Variants in RGS6 observed in about 807,000 individuals in gnomAD.
RGS6 encodes the protein regulator of G-protein signaling 6.
In RGS6, 30 loss-of-function variants were observed where a neutral mutation model predicts 78.5. The observed-to-expected ratio is 0.38, with a 90% CI of 0.29 to 0.52. The LOEUF (loss-of-function observed/expected upper bound fraction) is 0.52, where lower values mean the gene tolerates loss of function less well. RGS6 is among the 20% of genes least tolerant of loss of function. RGS6 has a pLI of 0.85. For missense variants in RGS6, 495 were observed against 609.7 expected (o/e 0.81, Z 1.98); for synonymous variants, 206 against 206.0 (o/e 1.00, Z 0.00).
chr14:72,112,832 G>A (rs1345305226), intron 2 of RGS6, among the ~76,000 whole-genome samples: 1 of 152,204 alleles, frequency 6.6e-6, no homozygotes, highest in Non-Finnish European at 1.5e-5. Context: ...CAATGTATGG[G>A]TGCCTTGCTT....
At chr14:72,612,454 T>A in the RGS6 span, 6 of 518,582 alleles carry the variant, frequency 1.2e-5, no homozygotes, top group South Asian at 8.4e-5. Flanking sequence ...AGTACCTAAT[T>A]TAGGCTTCTT....
At chr14:72,457,148 C>T (rs896762326) in intron 4 of RGS6, among the ~76,000 whole-genome samples, 4 of 148,534 alleles carry the variant, frequency 2.7e-5, no homozygotes, top group Admixed American at 2.7e-4. Flanking sequence ...AAATAAAACT[C>T]TATTCATTCC....
chr14:72,375,264 C>T (rs1219547640), intron 3 of RGS6, among the ~76,000 whole-genome samples: 1 of 152,114 alleles, frequency 6.6e-6, no homozygotes, highest in South Asian at 2.1e-4. Context: ...GGATTAAAAG[C>T]ATCGGGTTCC....
At chr14:72,491,540 G>C (rs1436394237) in intron 12 of RGS6, among the ~76,000 whole-genome samples, 1 of 152,124 alleles carries the variant, frequency 6.6e-6, no homozygotes, top group African/African-American at 2.4e-5. Context: ...ATTTGTCCAA[G>C]ATACAAAGTT....
rs1411374560 is a variant in RGS6 at position 72,546,632 on chromosome 14, G to A, written c.1422+6538G>A. Among the ~76,000 whole-genome samples, 7 of 152,196 alleles carry A rather than the reference G, an allele frequency of 4.6e-5. No homozygotes were observed. The East Asian group carries it at 1.2e-3, about 25-fold the overall frequency. On this transcript the variant is annotated intron_variant, in intron 17 of 17. Coordinates refer to ENST00000553525, the MANE Select transcript of RGS6 (RefSeq NM_001204424.2). ...GGACATGTGGGGCAATCAGGGCCCGGTGGAGGCAGCTGCTCCTGGCTTTCC... is the reference window on the plus strand; with the variant it reads ...GGACATGTGGGGCAATCAGGGCCCGATGGAGGCAGCTGCTCCTGGCTTTCC...
At chr14:72,233,531 C>T (rs1016566498) in intron 2 of RGS6, among the ~76,000 whole-genome samples, 3 of 152,196 alleles carry the variant, frequency 2.0e-5, no homozygotes, top group Admixed American at 2.0e-4. Context: ...ACAGCCTCTG[C>T]ATATGAAATG....
chr14:72,433,411 T>C (rs1426529234), intron 3 of RGS6, among the ~76,000 whole-genome samples: 1 of 151,874 alleles, frequency 6.6e-6, no homozygotes, highest in African/African-American at 2.4e-5. Context: ...GGTGATGGGT[T>C]GATAGGTGCA....
chr14:71,897,184 T>G, the RGS6 span, among the ~76,000 whole-genome samples: 2 of 152,240 alleles, frequency 1.3e-5, no homozygotes, highest in Admixed American at 1.3e-4. Flanking sequence ...AATTGTTTAT[T>G]GAATCAATGA....
intron 2 of RGS6, among the ~76,000 whole-genome samples, chr14:72,305,652 G>C (rs1027829171): frequency 6.6e-6 from 1 of 152,136 alleles, no homozygotes; most frequent in Non-Finnish European, 1.5e-5. Context: ...TATGTGTACT[G>C]ACTGTTCCAC....
the RGS6 span, among the ~76,000 whole-genome samples, chr14:72,590,143 C>A: frequency 1.0e-2 from 1,518 of 152,272 alleles, 31 homozygotes; most frequent in African/African-American, 0.035. Flanking sequence ...CAATACCAAG[C>A]GTTGCAAAGA....
intron 2 of RGS6, among the ~76,000 whole-genome samples, chr14:72,311,480 C>G (rs2068594108): frequency 6.6e-6 from 1 of 151,442 alleles, no homozygotes; most frequent in Admixed American, 6.6e-5. Context: ...GTTAAGTGAG[C>G]CTTTTGTAAA....
chr14:72,609,376 G>C, the RGS6 span, among the ~76,000 whole-genome samples: 3 of 152,184 alleles, frequency 2.0e-5, no homozygotes, highest in Admixed American at 1.3e-4. Context: ...TCCCGGGTCA[G>C]GAGTCCACAT....
At chr14:72,099,334 T>C (rs1216069665) in intron 2 of RGS6, among the ~76,000 whole-genome samples, 1 of 152,084 alleles carries the variant, frequency 6.6e-6, no homozygotes, top group Non-Finnish European at 1.5e-5. Context: ...TAATTTTTTA[T>C]ATTTTTAGTA....
the RGS6 span, among the ~76,000 whole-genome samples, chr14:72,626,009 ACACAGT>A: frequency 6.6e-6 from 1 of 152,188 alleles, no homozygotes; most frequent in Non-Finnish European, 1.5e-5. Flanking sequence ...GCTTTACAAC[ACACAGT>A]CAAAATACTG....
chr14:72,124,159 A>G (rs1241266286), intron 2 of RGS6, among the ~76,000 whole-genome samples: 1 of 152,212 alleles, frequency 6.6e-6, no homozygotes, highest in African/African-American at 2.4e-5. Context: ...TAATAATAAT[A>G]ACAGCCATTT....
intron 2 of RGS6, among the ~76,000 whole-genome samples, chr14:72,154,509 G>T (rs952955692): frequency 6.6e-6 from 1 of 152,018 alleles, no homozygotes; most frequent in East Asian, 1.9e-4. Flanking sequence ...CCTCTGTTTG[G>T]GGGGGGTCCC....
chr14:72,590,032 A>C, the RGS6 span, among the ~76,000 whole-genome samples: 1 of 151,698 alleles, frequency 6.6e-6, no homozygotes, highest in African/African-American at 2.4e-5. Flanking sequence ...CCAGTAACAC[A>C]TGAAAAGATG....
intron 2 of RGS6, among the ~76,000 whole-genome samples, chr14:71,982,976 A>G (rs906562871): frequency 1.1e-4 from 16 of 152,218 alleles, no homozygotes; most frequent in African/African-American, 3.9e-4. Context: ...TGTTTTAGAA[A>G]AGACATATCC....
chr14:72,529,485 A>G (rs1051870915), intron 15 of RGS6, among the ~76,000 whole-genome samples: 2 of 151,936 alleles, frequency 1.3e-5, no homozygotes, highest in African/African-American at 2.4e-5. Context: ...CTGGCTTTGG[A>G]GTTGGCCATA....
Sources: allele counts gnomAD v4.1 joint callset (sites outside exome capture counted in the v4.1 genomes callset), GRCh38; gene constraint gnomAD v4.1.1; transcripts MANE v1.5; gene names NCBI Gene and HGNC (gene_info 2026-07-23, HGNC 2026-07-21).